Variants in NSD1 observed in about 807,000 individuals in gnomAD.
The protein encoded by NSD1 is nuclear receptor binding SET domain protein 1.
In NSD1, 26 loss-of-function variants were observed where a neutral mutation model predicts 242.7. The observed-to-expected ratio is 0.11, with a 90% CI of 0.08 to 0.15. NSD1 has a LOEUF of 0.15. NSD1 is among the 10% of genes least tolerant of loss of function. The probability of loss-of-function intolerance (pLI) is 1.00; values close to 1 mark genes in which losing one functional copy is unlikely to be tolerated. For missense variants in NSD1, 2,495 were observed against 3,272.8 expected, an observed-to-expected ratio of 0.76 and a Z score of 5.80; for synonymous variants, 1,106 against 1,178.1, an observed-to-expected ratio of 0.94 and a Z score of 1.25.
intron 2 of NSD1, among the ~76,000 whole-genome samples, chr5:177,190,746 T>G (rs1334449575): frequency 6.6e-6 from 1 of 151,442 alleles, no homozygotes; most frequent in Non-Finnish European, 1.5e-5. Flanking sequence ...CTCGGCTCAC[T>G]GCAAGCTCCG....
In NSD1 at chr5:177,235,995, A is replaced by G. The variant is rs758540634; in HGVS notation, c.3921+50A>G. 7.5e-6 allele frequency: 12 copies of G among 1,596,992 alleles called. No homozygotes were observed. In the East Asian group the frequency reaches 1.8e-4, roughly 24 times the overall value. The stretch of plus-strand genomic sequence containing the variant: ...TTTCACTGGTCCTTAGGAAACTGCA[A>G]TTTTATCTTCAATGTCATACTTTAT... On this transcript the variant is annotated intron_variant, in intron 6 of 22. Transcript: ENST00000439151.
intron 3 of NSD1, among the ~76,000 whole-genome samples, chr5:177,201,959 C>A (rs1029775918): frequency 6.6e-6 from 1 of 151,638 alleles, no homozygotes; most frequent in Non-Finnish European, 1.5e-5. Context: ...CTGAGGTCGG[C>A]AGTTTGAGAT....
intron 5 of NSD1, among the ~76,000 whole-genome samples, chr5:177,234,010 AAC>A (rs759222324): frequency 3.9e-5 from 6 of 152,172 alleles, no homozygotes; most frequent in Non-Finnish European, 5.9e-5. Flanking sequence ...CAGTGTCTGG[AAC>A]ACAGTGACTA....
chr5:177,186,421 C>T (rs542517617), intron 2 of NSD1, among the ~76,000 whole-genome samples: 2 of 151,896 alleles, frequency 1.3e-5, no homozygotes, highest in African/African-American at 2.4e-5. Flanking sequence ...AATAGCATAT[C>T]CCATATGACC....
At chr5:177,257,973 CTTTTT>C (rs35034666) in intron 13 of NSD1, among the ~76,000 whole-genome samples, 5 of 52,564 alleles carry the variant, frequency 9.5e-5, no homozygotes, top group Non-Finnish European at 1.6e-4. Flanking sequence ...CCCCCTGGGC[CTTTTT>C]TTTTTTTTTT....
intron 2 of NSD1, among the ~76,000 whole-genome samples, chr5:177,186,016 TTATATATTA>T (rs1470169815): frequency 4.9e-5 from 5 of 102,432 alleles, no homozygotes; most frequent in Non-Finnish European, 9.0e-5. Context: ...ATATTATATA[TTATATATTA>T]TATATTTTTT....
At chr5:177,288,581 C>T (rs1163238898) in intron 20 of NSD1, 2 of 442,688 alleles carry the variant, frequency 4.5e-6, no homozygotes, top group Admixed American at 7.3e-5. Context: ...AGGTAATTAA[C>T]ACCTCTGGAG....
intron 5 of NSD1, among the ~76,000 whole-genome samples, chr5:177,215,334 G>T (rs186207576): frequency 1.3e-5 from 2 of 150,438 alleles, no homozygotes; most frequent in East Asian, 4.0e-4. Flanking sequence ...ATACCACCAC[G>T]CCTAGCTAAC....
intron 13 of NSD1, among the ~76,000 whole-genome samples, chr5:177,258,557 T>G (rs1489729088): frequency 6.6e-6 from 1 of 151,596 alleles, no homozygotes; most frequent in Non-Finnish European, 1.5e-5. Flanking sequence ...TTTTTTGAGA[T>G]GGAGTTTCAC....
intron 4 of NSD1, among the ~76,000 whole-genome samples, 197 bp from the exon 5 acceptor site, chr5:177,209,439 G>A (rs1364045727): frequency 6.7e-6 from 1 of 149,430 alleles, no homozygotes; most frequent in Non-Finnish European, 1.5e-5. Context: ...TGAGGAAGGA[G>A]AATCACTTGA....
At position 177,239,740 on chromosome 5, in the gene NSD1, G is replaced by A; in HGVS notation, c.4193-16G>A. 7.0e-7 allele frequency: 1 copy of A among 1,434,384 alleles called. No homozygotes were observed. The highest frequency in any genetic ancestry group is 1.2e-5 in the South Asian group (1 of 86,670). The allele number at this position is 1,434,384 out of a possible 1,614,324, so 88.9% of individuals were successfully genotyped here. A position where few individuals can be genotyped will look rare whatever the true frequency, so the allele number is the denominator to read the frequency against. On this transcript the variant is annotated splice_polypyrimidine_tract_variant and intron_variant, in intron 7 of 22. Coordinates refer to ENST00000439151, the MANE Select transcript of NSD1 (RefSeq NM_022455.5). Reference sequence around the variant, plus strand: ...CAGTTTCTAAATCATCTAATGTAAAGATACATGCATTTCAGGAAATTATGA... The same window carrying A: ...CAGTTTCTAAATCATCTAATGTAAAAATACATGCATTTCAGGAAATTATGA...
At chr5:177,219,477 G>A (rs1402740976) in intron 5 of NSD1, among the ~76,000 whole-genome samples, 2 of 152,094 alleles carry the variant, frequency 1.3e-5, no homozygotes, top group Non-Finnish European at 2.9e-5. Context: ...GAGCCACCGC[G>A]CCCGGCCCTG....
chr5:177,239,783 A>C lies in NSD1; in HGVS notation c.4220A>C (p.Lys1407Thr). The change falls in exon 8 of 23, where the codon AAA becomes ACA. Residue 1407 changes from lysine (K) to threonine (T), a missense_variant. Around this residue, in one of 19 missense-constraint regions of NSD1, gnomAD observed 100 missense variants for 190.7 expected, o/e 0.52. Coordinates refer to ENST00000439151, the MANE Select transcript of NSD1 (RefSeq NM_022455.5). ...PGNYESKRQR[K>T]PTKKLLESND... ...AATTATGAAAGTAAACGTCAAAGAA[A>C]ACCAACTAAGAAACTTCTTGAATCC... 6.2e-7 allele frequency: 1 copy of C among 1,612,072 alleles called. No individual in the cohort carries two copies. Among genetic ancestry groups the C allele is most frequent in the Non-Finnish European group, 8.5e-7 (1 of 1,178,266 alleles).
chr5:177,259,197 A>G (rs560107904), intron 13 of NSD1, among the ~76,000 whole-genome samples: 46 of 152,336 alleles, frequency 3.0e-4, no homozygotes, highest in African/African-American at 1.1e-3. Flanking sequence ...GACTTTTTCC[A>G]TAGAGGATTG....
rs757783097 is a variant in NSD1, at chr5:177,288,172, AAG to A, written c.6152-641_6152-640del. 1.9e-3 allele frequency among the ~76,000 whole-genome samples: 292 copies of A among 152,352 alleles called. 1 individual carries two copies. The highest frequency in any genetic ancestry group is 6.8e-3 in the African/African-American group (281 of 41,580). On this transcript the variant is annotated intron_variant, in intron 20 of 22. Coordinates refer to ENST00000439151, the MANE Select transcript of NSD1 (RefSeq NM_022455.5). Reference sequence around the variant, plus strand: ...TTTGGTGAAATGGACCTTTGACAGAAAGAGAGAAAGAGGACAGTTTGCCTGTT... The same window carrying A: ...TTTGGTGAAATGGACCTTTGACAGAAAGAGAAAGAGGACAGTTTGCCTGTT...
intron 17 of NSD1, among the ~76,000 whole-genome samples, chr5:177,277,145 TA>T (rs1270081317): frequency 2.0e-5 from 3 of 150,602 alleles, no homozygotes; most frequent in East Asian, 1.9e-4. Context: ...TTTTTTTTTT[TA>T]ATAAACATTT....
In NSD1 at chr5:177,210,196, C is replaced by T. The variant is rs1554189107; in HGVS notation, c.1797C>T (p.Ile599=). The T allele has an allele frequency of 6.3e-7, 1 of 1,599,154 alleles. No homozygotes were observed. The highest frequency in any genetic ancestry group is 8.5e-7 in the Non-Finnish European group (1 of 1,173,628). ...SLLGLPEGAL[I]SKCSREKNKP... ...TGGGCTTGCCTGAGGGTGCTTTGAT[C>T]TCAAAGTGTTCTCGAGAGAAGAATA... is the stretch of plus-strand genomic sequence containing the variant. Residue 599 remains isoleucine, a synonymous_variant, in exon 5 of 23, where the codon ATC becomes ATT. Coordinates refer to ENST00000439151, the MANE Select transcript of NSD1 (RefSeq NM_022455.5).
intron 5 of NSD1, among the ~76,000 whole-genome samples, chr5:177,233,076 C>CTT (rs1187262588): frequency 6.6e-6 from 1 of 152,090 alleles, no homozygotes; most frequent in Non-Finnish European, 1.5e-5. Flanking sequence ...GCATGAATTT[C>CTT]TTTTCTTTTC....
At chr5:177,259,664 G>C (rs1175006637) in intron 13 of NSD1, among the ~76,000 whole-genome samples, 1 of 152,198 alleles carries the variant, frequency 6.6e-6, no homozygotes, top group African/African-American at 2.4e-5. Flanking sequence ...CAGAGTTCCA[G>C]GCAAGCATTA....
Sources: gnomAD v4.1 joint callset for allele counts (sites outside exome capture counted in the v4.1 genomes callset) on GRCh38, gnomAD v4.1.1 for gene constraint, gnomAD v4.1.1 regional missense constraint, MANE v1.5 for transcripts, NCBI Gene and HGNC (gene_info 2026-07-23, HGNC 2026-07-21) for gene names.